Variants in NFIB observed in about 807,000 individuals in gnomAD.
NFIB encodes nuclear factor 1 B-type.
Under a neutral mutation model 61.5 loss-of-function variants are expected in NFIB, and 11 were observed. The ratio of observed to expected loss-of-function variants is 0.18; its 90% CI spans 0.11 to 0.30. The LOEUF (loss-of-function observed/expected upper bound fraction) is 0.30. Among genes scored for constraint, NFIB ranks in the 10% least tolerant of loss-of-function variants. NFIB has a pLI of 1.00. For missense variants in NFIB, 471 were observed against 608.9 expected (o/e 0.77, Z 2.38); for synonymous variants, 260 against 216.5 (o/e 1.20, Z -1.76).
intron 1 of NFIB, among the ~76,000 whole-genome samples, chr9:14,373,703 A>G (rs923443585): frequency 1.3e-5 from 2 of 151,924 alleles, no homozygotes; most frequent in Non-Finnish European, 2.9e-5. Context: ...GTAGATAAAG[A>G]AAATGAGTGA....
At chr9:14,329,871 C>G (rs1156946346) in intron 1 of NFIB, among the ~76,000 whole-genome samples, 2 of 151,676 alleles carry the variant, frequency 1.3e-5, no homozygotes. Flanking sequence ...CGCCTGTAAT[C>G]CCAGCACTTT....
intron 1 of NFIB, among the ~76,000 whole-genome samples, chr9:14,329,125 T>C (rs899085194): frequency 6.6e-6 from 1 of 152,146 alleles, no homozygotes; most frequent in Non-Finnish European, 1.5e-5. Context: ...TCTATACCCC[T>C]AAGTGTACAG....
At chr9:14,089,621 T>C (rs375705589) in intron 10 of NFIB, among the ~76,000 whole-genome samples, 7 of 152,260 alleles carry the variant, frequency 4.6e-5, no homozygotes, top group African/African-American at 1.7e-4. Flanking sequence ...AGTACTCATA[T>C]TAGTCATGGC....
chr9:14,291,221 C>T (rs1257266637), intron 2 of NFIB, among the ~76,000 whole-genome samples: 5 of 152,168 alleles, frequency 3.3e-5, no homozygotes, highest in East Asian at 1.9e-4. Flanking sequence ...AGGTGGCTCA[C>T]GCCTGTAATC....
chr9:14,407,024 T>C, the NFIB span, among the ~76,000 whole-genome samples: 1 of 152,182 alleles, frequency 6.6e-6, no homozygotes, highest in African/African-American at 2.4e-5. Context: ...TTATCTTTAT[T>C]TCTGCCCATT....
chr9:14,165,868 G>A (rs2044728324), intron 3 of NFIB, among the ~76,000 whole-genome samples: 2 of 152,284 alleles, frequency 1.3e-5, no homozygotes, highest in South Asian at 4.1e-4. Flanking sequence ...GGAATGGAGA[G>A]CTGTTATTTA....
At chr9:14,134,872 T>C (rs191005838) in intron 6 of NFIB, among the ~76,000 whole-genome samples, 2 of 119,626 alleles carry the variant, frequency 1.7e-5, no homozygotes, top group African/African-American at 6.7e-5. Flanking sequence ...CTCTCCAGCC[T>C]GGGTGACAGG....
At chr9:14,510,647 TA>T in the NFIB span, among the ~76,000 whole-genome samples, 1 of 152,206 alleles carries the variant, frequency 6.6e-6, no homozygotes, top group Non-Finnish European at 1.5e-5. Context: ...TTTTTTATTT[TA>T]AAAGTAAGTT....
intron 3 of NFIB, among the ~76,000 whole-genome samples, chr9:14,160,073 C>T (rs1283544848): frequency 6.6e-6 from 1 of 152,108 alleles, no homozygotes; most frequent in Non-Finnish European, 1.5e-5. Flanking sequence ...AAGAAAAGAA[C>T]AACTCTGCAT....
intron 2 of NFIB, among the ~76,000 whole-genome samples, chr9:14,208,838 TAGACCC>T (rs2050021802): frequency 6.6e-6 from 1 of 152,140 alleles, no homozygotes; most frequent in Admixed American, 6.5e-5. Flanking sequence ...TAAATTCATC[TAGACCC>T]ACTGATTCAC....
chr9:14,412,808 G>A, the NFIB span, among the ~76,000 whole-genome samples: 1 of 152,274 alleles, frequency 6.6e-6, no homozygotes. Context: ...AAGTAGGGGT[G>A]GGGTATGGAG....
the NFIB span, among the ~76,000 whole-genome samples, chr9:14,483,618 G>A: frequency 6.6e-6 from 1 of 152,164 alleles, no homozygotes; most frequent in Non-Finnish European, 1.5e-5. Context: ...GAGAGTACCT[G>A]CCTGCCAGGG....
chr9:14,306,818 G>A lies in NFIB; in HGVS notation c.562+171C>T, dbSNP rs150260891. On this transcript the variant is annotated intron_variant, in intron 2 of 10. Transcript: ENST00000380953. ...CGAAAGCTCTGTGTCTATTTACATG[G>A]CTCGCACATGGCAGCGGACATGTGA... Among the ~76,000 whole-genome samples, 10 of 152,186 alleles carry A rather than the reference G, an allele frequency of 6.6e-5. No homozygotes were observed. In the East Asian group the frequency reaches 1.9e-3, roughly 29 times the overall value.
At chr9:14,390,850 G>C (rs2061611131) in intron 1 of NFIB, among the ~76,000 whole-genome samples, 1 of 152,168 alleles carries the variant, frequency 6.6e-6, no homozygotes, top group African/African-American at 2.4e-5. Flanking sequence ...CTAAGAAATA[G>C]ATTTCTGTTG....
At chr9:14,414,511 A>ATT in the NFIB span, among the ~76,000 whole-genome samples, 368 of 119,978 alleles carry the variant, frequency 3.1e-3, 1 homozygote, top group South Asian at 5.5e-3. Flanking sequence ...CACGTTTTGT[A>ATT]TTTTTTTTTT....
At chr9:14,460,256 A>G in the NFIB span, among the ~76,000 whole-genome samples, 1 of 152,116 alleles carries the variant, frequency 6.6e-6, no homozygotes, top group African/African-American at 2.4e-5. Context: ...TTCTCAGCAA[A>G]CTATAGCAAG....
At chr9:14,465,445 C>T in the NFIB span, among the ~76,000 whole-genome samples, 192 of 152,216 alleles carry the variant, frequency 1.3e-3, no homozygotes, top group Non-Finnish European at 2.1e-3. Context: ...GAAATCTGCT[C>T]TCTGAATTCA....
intron 7 of NFIB, among the ~76,000 whole-genome samples, chr9:14,125,209 G>A (rs1334854392): frequency 6.6e-6 from 1 of 152,172 alleles, no homozygotes; most frequent in Non-Finnish European, 1.5e-5. Context: ...CTAGGCTGGA[G>A]TGCAGTGGCA....
At chr9:14,369,492 G>T (rs1309792940) in intron 1 of NFIB, among the ~76,000 whole-genome samples, 2 of 152,054 alleles carry the variant, frequency 1.3e-5, no homozygotes, top group Non-Finnish European at 2.9e-5. Flanking sequence ...CTTCTGGGTA[G>T]ATCTACCTAC....
Sources: allele counts gnomAD v4.1 joint callset (sites outside exome capture counted in the v4.1 genomes callset), GRCh38; gene constraint gnomAD v4.1.1; transcripts MANE v1.5; gene names NCBI Gene and HGNC (gene_info 2026-07-23, HGNC 2026-07-21).